Variants in DAZL observed in about 807,000 individuals in gnomAD.
The protein encoded by DAZL is deleted in azoospermia like.
Under a neutral mutation model 45.0 loss-of-function variants are expected in DAZL, and 4 were observed. The observed-to-expected ratio is 0.09, with a 90% CI of 0.04 to 0.20. The LOEUF is 0.20. Among genes scored for constraint, DAZL ranks in the 10% least tolerant of loss-of-function variants. The pLI is 1.00. For synonymous variants in DAZL, 122 were observed against 112.4 expected (o/e 1.09, Z -0.54); for missense variants, 326 against 351.3 (o/e 0.93, Z 0.58).
chr3:16,590,275 G>A (rs560486500), intron 10 of DAZL, among the ~76,000 whole-genome samples: 1 of 124,168 alleles, frequency 8.1e-6, no homozygotes, highest in East Asian at 2.1e-4. Context: ...TCCCTGTTGC[G>A]AAGATGTTAA....
At chr3:16,588,758 G>A in intron 10 of DAZL, 45 bp from the exon 11 acceptor site, 1 of 1,473,936 alleles carries the variant, frequency 6.8e-7, no homozygotes, top group Non-Finnish European at 9.5e-7. Flanking sequence ...GAAAATTTCT[G>A]ATTACTACTA....
intron 9 of DAZL, 60 bp downstream of exon 9, chr3:16,593,595 C>T: frequency 9.1e-7 from 1 of 1,093,126 alleles, no homozygotes; most frequent in Non-Finnish European, 1.3e-6. Context: ...TCTCAAAAAA[C>T]CATTATTAAA....
At chr3:16,603,309 A>T (rs577448748) in intron 1 of DAZL, among the ~76,000 whole-genome samples, 1 of 152,274 alleles carries the variant, frequency 6.6e-6, no homozygotes, top group South Asian at 2.1e-4. Context: ...GGAATTAATA[A>T]TACAAGCATG....
At chr3:16,600,644 A>C (rs1010896447) in intron 1 of DAZL, among the ~76,000 whole-genome samples, 7 of 152,250 alleles carry the variant, frequency 4.6e-5, no homozygotes, top group African/African-American at 1.7e-4. Context: ...AATCCCAAAC[A>C]GAATAAAACA....
rs1428581855 is a variant in DAZL at position 16,587,478 on chromosome 3, C to G, written c.*1182G>C. ...TTCTTTATATCACCAGTTCTAGGAG[C>G]AAACCTCCTCAAAGACTAGTGACAA... is the stretch of plus-strand genomic sequence containing the variant. On this transcript the variant is annotated 3_prime_UTR_variant, in exon 11 of 11. Transcript: ENST00000399444. The G allele has an allele frequency of 6.6e-6, 1 of 151,596 alleles. No individual in the cohort carries two copies. The allele number at this position is 151,596 out of a possible 1,614,324, so 9.4% of individuals were successfully genotyped here. A position where few individuals can be genotyped will look rare whatever the true frequency, so the allele number is the denominator to read the frequency against.
intron 1 of DAZL, among the ~76,000 whole-genome samples, chr3:16,600,295 T>C (rs998336317): frequency 3.3e-5 from 5 of 152,194 alleles, no homozygotes. Context: ...CTTTGTTAAT[T>C]AGATGCTAGA....
At chr3:16,592,837 G>C (rs1239135598) in intron 9 of DAZL, among the ~76,000 whole-genome samples, 7 of 152,078 alleles carry the variant, frequency 4.6e-5, no homozygotes, top group Non-Finnish European at 1.5e-5. Context: ...ACACTCCAAT[G>C]GGACTTCAGT....
Position 16,588,530 on chromosome 3 carries a change from CTAA to C in DAZL, c.*127_*129del, listed in dbSNP as rs1694472235. 2.6e-6 allele frequency: 2 copies of C among 757,742 alleles called. No homozygotes were observed. Among genetic ancestry groups the C allele is most frequent in the Non-Finnish European group, 4.8e-6 (2 of 412,844 alleles). The allele number at this position is 757,742 out of a possible 1,614,324, so 46.9% of individuals were successfully genotyped here. Reference sequence around the variant, plus strand: ...ACAGTTTAAGATAAAACTAGAGAGTCTAATAATACAACTTATACACAAAGTTTG... The same window carrying C: ...ACAGTTTAAGATAAAACTAGAGAGTCTAATACAACTTATACACAAAGTTTG... On this transcript the variant is annotated 3_prime_UTR_variant, in exon 11 of 11. Transcript: ENST00000399444.
chr3:16,597,971 T>A lies in DAZL; in HGVS notation c.242+116A>T, dbSNP rs183741485. The A allele has an allele frequency of 2.3e-4, 263 of 1,134,304 alleles. No homozygotes were observed. In the African/African-American group the frequency reaches 2.5e-3, roughly 11 times the overall value. The allele number at this position is 1,134,304 out of a possible 1,614,324, so 70.3% of individuals were successfully genotyped here. ...TGGCAATAAACTTTTATCCTCTACA[T>A]GAAAGAAATTAACACAGCAACAAAT... On this transcript the variant is annotated intron_variant, in intron 3 of 10. Coordinates refer to ENST00000399444, the MANE Select transcript of DAZL (RefSeq NM_001351.4).
chr3:16,596,088 G>A (rs1486292022), intron 6 of DAZL, among the ~76,000 whole-genome samples: 1 of 151,850 alleles, frequency 6.6e-6, no homozygotes, highest in Non-Finnish European at 1.5e-5. Context: ...AAATGTCAAT[G>A]AATGAAAGAC....
rs1438346239 is a variant in DAZL at position 16,592,144 on chromosome 3, G to C, written c.740C>G (p.Ser247Cys). ...CACCGTTTGTATGCTTCGGTCCACA[G>C]ATTTCTGAAACACAGAAGTTTTCAG... ...PPSGNGPQKK[S>C]VDRSIQTVVS... The change falls in exon 10 of 11, where the codon TCT becomes TGT. Residue 247 changes from serine to cysteine, a missense_variant. Transcript: ENST00000399444. 6.2e-6 allele frequency: 10 copies of C among 1,612,898 alleles called. No homozygotes were observed. The highest frequency in any genetic ancestry group is 8.5e-6 in the Non-Finnish European group (10 of 1,179,682).
chr3:16,591,945 A>G, intron 10 of DAZL, 105 bp downstream of exon 10: 1 of 1,348,594 alleles, frequency 7.4e-7, no homozygotes, highest in Non-Finnish European at 1.1e-6. Context: ...CCAACAGTTA[A>G]TTAAATGCTC....
In DAZL at chr3:16,588,506, C is replaced by A; in HGVS notation, c.*154G>T. On this transcript the variant is annotated 3_prime_UTR_variant, in exon 11 of 11. Transcript: ENST00000399444. Reference sequence around the variant, plus strand: ...TTCTAAATAAACATCTAATGAAGAACAGTTTAAGATAAAACTAGAGAGTCT... The same window carrying A: ...TTCTAAATAAACATCTAATGAAGAAAAGTTTAAGATAAAACTAGAGAGTCT... 2 of 647,372 alleles carry A rather than the reference C, an allele frequency of 3.1e-6. No homozygotes were observed. Among genetic ancestry groups the A allele is most frequent in the Non-Finnish European group, 5.7e-6 (2 of 349,206 alleles). The allele number at this position is 647,372 out of a possible 1,614,324, so 40.1% of individuals were successfully genotyped here.
chr3:16,598,457 C>G lies in DAZL; in HGVS notation c.145G>C (p.Val49Leu). 1 of 1,608,018 alleles carries G rather than the reference C, an allele frequency of 6.2e-7. No homozygotes were observed. Among genetic ancestry groups the G allele is most frequent in the South Asian group, 1.1e-5 (1 of 91,046 alleles). The change falls in exon 2 of 11, where the codon GTT becomes CTT. Residue 49 changes from valine to leucine, a missense_variant. Around this residue, in one of 3 missense-constraint regions of DAZL, gnomAD observed 81 missense variants for 89.6 expected, o/e 0.90. Transcript: ENST00000399444. ...ATGAGGTATGAATACAATACCCTAA[C>G]ATCAATTCCTCCAACAAAAACAGTG... is the stretch of plus-strand genomic sequence containing the variant. ...PNTVFVGGIDVRMDETEIRSF... is the reference protein window; with the variant it reads ...PNTVFVGGIDLRMDETEIRSF...
chr3:16,596,459 T>C (rs1694601174), intron 6 of DAZL, among the ~76,000 whole-genome samples: 1 of 151,534 alleles, frequency 6.6e-6, no homozygotes, highest in South Asian at 2.1e-4. Context: ...TAACGATAGC[T>C]GCTTTCAAAT....
At chr3:16,604,421 G>T (rs1575421534) in intron 1 of DAZL, 5 of 1,522,284 alleles carry the variant, frequency 3.3e-6, no homozygotes, top group Non-Finnish European at 4.4e-6. Context: ...AATTCTTAAT[G>T]GTAACTGCTG....
rs528945221 is a variant in DAZL, at chr3:16,598,258, G to A, written c.151-80C>T. 8.1e-5 allele frequency: 116 copies of A among 1,434,096 alleles called. No individual in the cohort carries two copies. In the African/African-American group the frequency reaches 1.4e-3, roughly 17 times the overall value. 88.8% of individuals were successfully genotyped at this position (1,434,096 alleles called of 1,614,324 possible). A position where few individuals can be genotyped will look rare whatever the true frequency, so the allele number is the denominator to read the frequency against. ...TTTTACTAAAAGAAGGTTCGATGAT[G>A]TGACAATTTCTCCCCCATTTATCCC... On this transcript the variant is annotated intron_variant, in intron 2 of 10. Transcript: ENST00000399444.
chr3:16,590,179 C>G (rs1694495831), intron 10 of DAZL, among the ~76,000 whole-genome samples: 1 of 134,312 alleles, frequency 7.4e-6, no homozygotes, highest in South Asian at 2.2e-4. Context: ...AGCTGATATA[C>G]AATTTCAGTT....
Position 16,588,647 on chromosome 3 carries a change from T to A in DAZL, c.*13A>T. ...ACCAGCAACTTCCCATGTAACTAGA[T>A]AAGCCAGGAGGATCAAACAGATTTA... On this transcript the variant is annotated 3_prime_UTR_variant, in exon 11 of 11. Transcript: ENST00000399444. 1 of 1,602,650 alleles carries A rather than the reference T, an allele frequency of 6.2e-7. No individual in the cohort carries two copies. The highest frequency in any genetic ancestry group is 8.5e-7 in the Non-Finnish European group (1 of 1,170,002).
Sources: gnomAD v4.1 joint callset for allele counts (sites outside exome capture counted in the v4.1 genomes callset) on GRCh38, gnomAD v4.1.1 for gene constraint, gnomAD v4.1.1 regional missense constraint, MANE v1.5 for transcripts, NCBI Gene and HGNC (gene_info 2026-07-23, HGNC 2026-07-21) for gene names.